Variants in NAA50 observed in about 807,000 individuals in gnomAD.
NAA50 encodes N-alpha-acetyltransferase 50, NatE catalytic subunit.
A neutral mutation model predicts 20.7 loss-of-function variants in NAA50; 7 were observed. That is an observed-to-expected ratio of 0.34 (90% confidence interval 0.19 to 0.63). NAA50 has a LOEUF of 0.63. Ranked by LOEUF, NAA50 falls within the 30% of genes least tolerant of loss-of-function variation. The probability of loss-of-function intolerance (pLI) is 0.75; values close to 1 mark genes in which losing one functional copy is unlikely to be tolerated. For missense variants in NAA50, 111 were observed against 199.1 expected (o/e 0.56, Z 2.66); for synonymous variants, 54 against 70.6 (o/e 0.77, Z 1.18).
chr3:113,727,606 CCTAA>C (rs952459702), intron 1 of NAA50, among the ~76,000 whole-genome samples: 13 of 150,594 alleles, frequency 8.6e-5, no homozygotes, highest in East Asian at 1.9e-4. Flanking sequence ...TTAATCTTCC[CCTAA>C]CTAATTAAAA....
chr3:113,718,412 T>C lies in NAA50; in HGVS notation c.*3348A>G, dbSNP rs1391955894. The C allele has an allele frequency of 6.6e-6, 1 of 152,234 alleles. No individual in the cohort carries two copies. The highest frequency in any genetic ancestry group is 1.5e-5 in the Non-Finnish European group (1 of 68,032). 9.4% of individuals were successfully genotyped at this position (152,234 alleles called of 1,614,324 possible). A position where few individuals can be genotyped will look rare whatever the true frequency, so the allele number is the denominator to read the frequency against. On this transcript the variant is annotated 3_prime_UTR_variant, in exon 5 of 5. Coordinates refer to ENST00000240922, the MANE Select transcript of NAA50 (RefSeq NM_025146.4). ...AACTGTGGAAGGTAATACTTGTTTG[T>C]TGTTTTAAACTACAGTAATAACTGA...
At chr3:113,731,730 T>C (rs1708276248) in intron 1 of NAA50, among the ~76,000 whole-genome samples, 1 of 152,212 alleles carries the variant, frequency 6.6e-6, no homozygotes, top group South Asian at 2.1e-4. Context: ...AAAGTGATCT[T>C]TTGCACTAGG....
intron 1 of NAA50, among the ~76,000 whole-genome samples, chr3:113,735,934 C>T (rs751164870): frequency 3.9e-5 from 6 of 152,226 alleles, no homozygotes; most frequent in Non-Finnish European, 7.3e-5. Flanking sequence ...TGGTCTCTCA[C>T]CTCGGCCCCC....
At chr3:113,722,071 G>A in intron 4 of NAA50, 134 bp from the exon 5 acceptor site, 1 of 770,382 alleles carries the variant, frequency 1.3e-6, no homozygotes, top group Non-Finnish European at 2.0e-6. Flanking sequence ...GGTTAGGCAT[G>A]CTTACCTAAA....
intron 1 of NAA50, among the ~76,000 whole-genome samples, chr3:113,742,198 T>A (rs1708426157): frequency 6.6e-6 from 1 of 152,192 alleles, no homozygotes; most frequent in Non-Finnish European, 1.5e-5. Context: ...AAATGCTACG[T>A]CAGCCTGACT....
chr3:113,740,620 C>A (rs1708401340), intron 1 of NAA50, among the ~76,000 whole-genome samples: 2 of 152,222 alleles, frequency 1.3e-5, no homozygotes, highest in Admixed American at 6.5e-5. Flanking sequence ...AAGTGATCCT[C>A]CTGCTTTGGC....
At chr3:113,736,301 C>A (rs926363978) in intron 1 of NAA50, among the ~76,000 whole-genome samples, 4 of 152,158 alleles carry the variant, frequency 2.6e-5, no homozygotes, top group African/African-American at 7.2e-5. Context: ...AAAAGTGGGA[C>A]AGACTGTGAT....
chr3:113,729,182 C>T (rs1347723325), intron 1 of NAA50, among the ~76,000 whole-genome samples: 1 of 152,110 alleles, frequency 6.6e-6, no homozygotes, highest in East Asian at 1.9e-4. Context: ...GATGGGGTTT[C>T]ACCATGTTGG....
intron 1 of NAA50, among the ~76,000 whole-genome samples, chr3:113,732,253 A>G (rs1015455104): frequency 2.0e-5 from 3 of 152,224 alleles, no homozygotes; most frequent in Non-Finnish European, 4.4e-5. Context: ...AATACTATTC[A>G]GACAAAAAAG....
At chr3:113,726,277 C>T (rs1395411487) in intron 1 of NAA50, among the ~76,000 whole-genome samples, 4 of 152,108 alleles carry the variant, frequency 2.6e-5, no homozygotes, top group Admixed American at 1.3e-4. Context: ...AAAAAATAGA[C>T]ATTTTCTTGT....
At chr3:113,727,670 A>C (rs1171222237) in intron 1 of NAA50, among the ~76,000 whole-genome samples, 2 of 152,088 alleles carry the variant, frequency 1.3e-5, no homozygotes, top group African/African-American at 4.8e-5. Context: ...ATGACGTAGA[A>C]AGGGAAAATA....
At chr3:113,744,307 ACAAAAAAT>A (rs1284886274) in intron 1 of NAA50, among the ~76,000 whole-genome samples, 7 of 152,006 alleles carry the variant, frequency 4.6e-5, no homozygotes, top group African/African-American at 1.7e-4. Flanking sequence ...TACAAAATAT[ACAAAAAAT>A]TAGCAAGGCG....
At chr3:113,742,425 C>CT (rs770744656) in intron 1 of NAA50, among the ~76,000 whole-genome samples, 6,202 of 130,152 alleles carry the variant, frequency 0.048, 233 homozygotes, top group South Asian at 0.089. Context: ...GCATGCCTGG[C>CT]TTTTTTTTTT....
intron 1 of NAA50, among the ~76,000 whole-genome samples, chr3:113,729,630 G>A (rs1239593198): frequency 6.6e-6 from 1 of 151,182 alleles, no homozygotes; most frequent in Non-Finnish European, 1.5e-5. Flanking sequence ...TGCAAGCTCC[G>A]CCTACGGGCT....
In NAA50 at chr3:113,723,965, T is replaced by C; in HGVS notation, c.139A>G (p.Lys47Glu). ...KDVLEVGELAKLAYFNDIAVG... is the reference protein window; with the variant it reads ...KDVLEVGELAELAYFNDIAVG... ...AAAAAAAACTATATTATACCAAGTTTTGCTAGCTCGCCAACCTCCAGCACA... is the reference window on the plus strand; with the variant it reads ...AAAAAAAACTATATTATACCAAGTTCTGCTAGCTCGCCAACCTCCAGCACA... Residue 47 changes from lysine (K) to glutamate (E), a missense_variant, in exon 2 of 5, where the codon AAA (lysine) becomes GAA (glutamate). Physicochemically the swap from Lys to Glu is moderately conservative, Grantham distance 56. Coordinates refer to ENST00000240922, the MANE Select transcript of NAA50 (RefSeq NM_025146.4). 1 of 1,583,560 alleles carries C rather than the reference T, an allele frequency of 6.3e-7. No homozygotes were observed. The highest frequency in any genetic ancestry group is 1.2e-5 in the South Asian group (1 of 82,734).
At chr3:113,723,068 A>G (rs147605258) in intron 3 of NAA50, 96 bp from the exon 4 acceptor site, 143 of 1,385,818 alleles carry the variant, frequency 1.0e-4, no homozygotes, top group Non-Finnish European at 1.3e-4. Flanking sequence ...ATTGAGTCCT[A>G]AAAGAATTTA....
rs1222986041 is a variant in NAA50 at position 113,746,099 on chromosome 3, C to G, written c.-150G>C. On this transcript the variant is annotated 5_prime_UTR_variant, in exon 1 of 5. Coordinates refer to ENST00000240922, the MANE Select transcript of NAA50 (RefSeq NM_025146.4). ...GGAGCTGTGCGAGCAACGAAGGCCGCGAGAGTCGAGTGAGGGCTTGAGTCT... is the reference window on the plus strand; with the variant it reads ...GGAGCTGTGCGAGCAACGAAGGCCGGGAGAGTCGAGTGAGGGCTTGAGTCT... 2 of 1,002,404 alleles carry G rather than the reference C, an allele frequency of 2.0e-6. No individual in the cohort carries two copies. The highest frequency in any genetic ancestry group is 1.5e-5 in the South Asian group (1 of 64,752). 62.1% of individuals were successfully genotyped at this position (1,002,404 alleles called of 1,614,324 possible). A position where few individuals can be genotyped will look rare whatever the true frequency, so the allele number is the denominator to read the frequency against.
chr3:113,717,066 ATGGCTCGCCTGTAATCC>A lies in NAA50; in HGVS notation c.*4677_*4693del, dbSNP rs1445801569. 6.6e-6 allele frequency: 1 copy of A among 152,174 alleles called. No individual in the cohort carries two copies. Among genetic ancestry groups the A allele is most frequent in the Non-Finnish European group, 1.5e-5 (1 of 68,036 alleles). The allele number at this position is 152,174 out of a possible 1,614,324, so 9.4% of individuals were successfully genotyped here. On this transcript the variant is annotated 3_prime_UTR_variant, in exon 5 of 5. Transcript: ENST00000240922. The stretch of plus-strand genomic sequence containing the variant: ...GAAAACATTTTACTGGCCAGGCGCC[ATGGCTCGCCTGTAATCC>A]TAGCACTTTGGGAGGCTGCCCCAGG...
intron 1 of NAA50, among the ~76,000 whole-genome samples, chr3:113,744,383 G>C (rs746602344): frequency 2.0e-5 from 3 of 151,896 alleles, no homozygotes; most frequent in Admixed American, 6.6e-5. Context: ...AGGATTGCTT[G>C]AGCTGGGGAG....
Sources: gnomAD v4.1 joint callset for allele counts (sites outside exome capture counted in the v4.1 genomes callset) on GRCh38, gnomAD v4.1.1 for gene constraint, MANE v1.5 for transcripts, NCBI Gene and HGNC (gene_info 2026-07-23, HGNC 2026-07-21) for gene names.